The following GPN2 variants were observed in gnomAD, a reference collection of about 807,000 sequenced individuals.
GPN2 encodes the protein ATP-binding domain 1 family member B.
GPN2 carries 27 observed loss-of-function variants against 30.1 expected under a neutral mutation model. The ratio of observed to expected loss-of-function variants is 0.90; its 90% CI spans 0.66 to 1.24. The LOEUF (loss-of-function observed/expected upper bound fraction) is 1.24. Among genes scored for constraint, GPN2 ranks in the 50% most tolerant of loss-of-function variants. The pLI, the probability that GPN2 is intolerant of heterozygous loss-of-function variation, is 0.00. For missense variants in GPN2, 406 were observed against 405.4 expected (o/e 1.00, Z -0.01); for synonymous variants, 212 against 174.4 (o/e 1.22, Z -1.70).
intron 2 of GPN2, among the ~76,000 whole-genome samples, chr1:26,887,944 C>T (rs1375076402): frequency 1.3e-5 from 2 of 151,612 alleles, no homozygotes; most frequent in African/African-American, 2.4e-5. Context: ...CTACAACCTC[C>T]GCCTTCCAGG....
chr1:26,883,328 C>A (rs1253572745), intron 4 of GPN2, among the ~76,000 whole-genome samples: 1 of 152,240 alleles, frequency 6.6e-6, no homozygotes. Flanking sequence ...TGGACTCCTG[C>A]ATCTCTCCCG....
At chr1:26,888,326 CAGA>C (rs1286705683) in intron 2 of GPN2, among the ~76,000 whole-genome samples, 2 of 152,134 alleles carry the variant, frequency 1.3e-5, no homozygotes, top group Non-Finnish European at 2.9e-5. Flanking sequence ...TCTGTGAGGA[CAGA>C]AGGAGGCTGT....
In GPN2 at chr1:26,889,787, C is replaced by T. The variant is rs150818020; in HGVS notation, c.310G>A (p.Gly104Ser). ...GGGCAGTCGAAGAGGAAGTAGTGGC[C>T]GCGGAGGGGGTCGAGCTTGGCACGC... The part of the protein sequence containing the change: ...WLRAKLDPLR[G>S]HYFLFDCPGQ... Residue 104 changes from glycine to serine, a missense_variant, in exon 1 of 5, where the codon GGC becomes AGC. Physicochemically the swap from Gly to Ser is moderately conservative, Grantham distance 56. Coordinates refer to ENST00000374135, the MANE Select transcript of GPN2 (RefSeq NM_018066.4). 7.8e-5 allele frequency: 126 copies of T among 1,613,908 alleles called. No individual in the cohort carries two copies. Among genetic ancestry groups the T allele is most frequent in the Non-Finnish European group, 1.0e-4 (120 of 1,180,024 alleles).
intron 4 of GPN2, among the ~76,000 whole-genome samples, chr1:26,881,269 G>A (rs2081862940): frequency 6.6e-6 from 1 of 152,146 alleles, no homozygotes; most frequent in Non-Finnish European, 1.5e-5. Context: ...ACACATCATA[G>A]CTTAGTTTCG....
intron 4 of GPN2, among the ~76,000 whole-genome samples, chr1:26,880,590 C>T (rs1320313667): frequency 1.3e-5 from 2 of 151,876 alleles, no homozygotes; most frequent in African/African-American, 4.8e-5. Flanking sequence ...GGATTACAGG[C>T]GTAAGCCACC....
At chr1:26,880,788 C>A (rs2081860381) in intron 4 of GPN2, among the ~76,000 whole-genome samples, 1 of 152,224 alleles carries the variant, frequency 6.6e-6, no homozygotes, top group Admixed American at 6.5e-5. Flanking sequence ...ATTTGCAACC[C>A]TTGAAACCTG....
chr1:26,881,230 G>A (rs756231308), intron 4 of GPN2, among the ~76,000 whole-genome samples: 9 of 152,114 alleles, frequency 5.9e-5, no homozygotes, highest in Non-Finnish European at 1.0e-4. Flanking sequence ...ATCTTAAGTC[G>A]AAAATGCATT....
At chr1:26,886,434 G>T (rs774402959) in intron 2 of GPN2, 9 of 476,186 alleles carry the variant, frequency 1.9e-5, no homozygotes, top group South Asian at 1.4e-4. Flanking sequence ...GGTGGCTCAT[G>T]CCTGTAATCC....
chr1:26,890,113 G>A lies in GPN2; in HGVS notation c.-17C>T, dbSNP rs759081296. The A allele has an allele frequency of 5.5e-5, 82 of 1,499,614 alleles. No individual in the cohort carries two copies. The highest frequency in any genetic ancestry group is 7.1e-5 in the Non-Finnish European group (80 of 1,131,396). The allele number at this position is 1,499,614 out of a possible 1,614,324, so 92.9% of individuals were successfully genotyped here. ...CCCTGCCATTGGCGGCCCGCGGCCC[G>A]GAGCAGGTCAACTCACAGGGAAAAC... On this transcript the variant is annotated 5_prime_UTR_variant, in exon 1 of 5. Transcript: ENST00000374135.
chr1:26,879,691 C>T lies in GPN2; in HGVS notation c.919G>A (p.Ala307Thr). The T allele has an allele frequency of 1.2e-6, 2 of 1,613,686 alleles. No homozygotes were observed. Among genetic ancestry groups the T allele is most frequent in the South Asian group, 1.1e-5 (1 of 91,040 alleles). The change falls in exon 5 of 5, where the codon GCC becomes ACC. Residue 307 changes from alanine (A) to threonine (T), a missense_variant. Physicochemically the swap from Ala to Thr is moderately conservative, Grantham distance 58. Transcript: ENST00000374135. ...CCACCTTGTTGCTACAGCTGCATGG[C>T]TTCCTGCTCCACTGACTGGTTCGAG... ...APSNQSVEQEAMQL is the reference protein window; with the variant it reads ...APSNQSVEQETMQL
rs2081846565 is a variant in GPN2 at position 26,878,184 on chromosome 1, GC to G, written c.*1492del. The G allele has an allele frequency of 2.0e-5, 3 of 152,190 alleles. No individual in the cohort carries two copies. Among genetic ancestry groups the G allele is most frequent in the Admixed American group, 1.3e-4 (2 of 15,270 alleles). 9.4% of individuals were successfully genotyped at this position (152,190 alleles called of 1,614,324 possible). ...TTGAAAAATATATGAACTGCATCCA[GC>G]CAGTTGCAAGAGCAAAGAAAAAACT... is the stretch of plus-strand genomic sequence containing the variant. On this transcript the variant is annotated 3_prime_UTR_variant, in exon 5 of 5. Coordinates refer to ENST00000374135, the MANE Select transcript of GPN2 (RefSeq NM_018066.4).
rs754340709 is a variant in GPN2 at position 26,879,523 on chromosome 1, T to C, written c.*154A>G. 80 of 637,398 alleles carry C rather than the reference T, an allele frequency of 1.3e-4. No individual in the cohort carries two copies. Among genetic ancestry groups the C allele is most frequent in the Non-Finnish European group, 1.9e-4 (67 of 346,960 alleles). The allele number at this position is 637,398 out of a possible 1,614,324, so 39.5% of individuals were successfully genotyped here. On this transcript the variant is annotated 3_prime_UTR_variant, in exon 5 of 5. Coordinates refer to ENST00000374135, the MANE Select transcript of GPN2 (RefSeq NM_018066.4). ...TCTGCTTGGCACCATGTCTGGCTTT[T>C]TGGCCAGAAGTCCTTTGCAGAGCTG...
intron 4 of GPN2, 63 bp downstream of exon 4, chr1:26,884,097 G>A (rs1223343740): frequency 3.0e-6 from 4 of 1,316,908 alleles, no homozygotes; most frequent in South Asian, 1.3e-5. Context: ...TGCACCTCCT[G>A]TGGCCATTCT....
intron 4 of GPN2, among the ~76,000 whole-genome samples, chr1:26,880,944 A>G (rs1255084578): frequency 3.9e-5 from 6 of 152,190 alleles, no homozygotes; most frequent in African/African-American, 1.4e-4. Flanking sequence ...CCTACCCTTC[A>G]GCAAAGCTGA....
At chr1:26,886,268 GA>G (rs1176840951) in intron 2 of GPN2, 135 bp from the exon 3 acceptor site, 4 of 650,088 alleles carry the variant, frequency 6.2e-6, no homozygotes, top group African/African-American at 5.5e-5. Context: ...AAGTTACTAA[GA>G]AAAAAAGCAT....
intron 2 of GPN2, among the ~76,000 whole-genome samples, chr1:26,887,478 C>T (rs1247780514): frequency 2.6e-5 from 4 of 152,118 alleles, no homozygotes; most frequent in African/African-American, 9.7e-5. Context: ...TGCTCATGTG[C>T]TGGTCATTTT....
chr1:26,885,934 C>T (rs751215061), intron 3 of GPN2, 39 bp downstream of exon 3: 9 of 1,502,868 alleles, frequency 6.0e-6, no homozygotes, highest in South Asian at 4.5e-5. Flanking sequence ...CTTGGTGAAT[C>T]CCATGCACTG....
Position 26,879,374 on chromosome 1 carries a change from C to G in GPN2, c.*303G>C. On this transcript the variant is annotated 3_prime_UTR_variant, in exon 5 of 5. Coordinates refer to ENST00000374135, the MANE Select transcript of GPN2 (RefSeq NM_018066.4). ...AGACTGAAGAAAAGTTTGGAAGTCA[C>G]AAAAAGTAGAAAATAAACTCTTGTA... The G allele has an allele frequency of 3.0e-6, 1 of 334,900 alleles. No homozygotes were observed. 20.7% of individuals were successfully genotyped at this position (334,900 alleles called of 1,614,324 possible). A position where few individuals can be genotyped will look rare whatever the true frequency, so the allele number is the denominator to read the frequency against.
chr1:26,882,696 G>A (rs777525058), intron 4 of GPN2, among the ~76,000 whole-genome samples: 38 of 152,304 alleles, frequency 2.5e-4, no homozygotes, highest in Non-Finnish European at 5.4e-4. Flanking sequence ...CCTGCTTCAC[G>A]CATGGCCTCT....
Sources: allele counts gnomAD v4.1 joint callset (sites outside exome capture counted in the v4.1 genomes callset), GRCh38; gene constraint gnomAD v4.1.1; transcripts MANE v1.5; gene names NCBI Gene and HGNC (gene_info 2026-07-23, HGNC 2026-07-21).